Variants in AP1B1 observed in about 807,000 individuals in gnomAD.
AP1B1 encodes the protein AP-1 complex subunit beta-1.
Under a neutral mutation model 104.3 loss-of-function variants are expected in AP1B1, and 36 were observed. The ratio of observed to expected loss-of-function variants is 0.35; its 90% confidence interval spans 0.26 to 0.46. AP1B1 has a LOEUF of 0.46. Among genes scored for constraint, AP1B1 ranks in the 20% least tolerant of loss-of-function variants. AP1B1 has a pLI of 1.00. For missense variants in AP1B1, 901 were observed against 1,247.9 expected (o/e 0.72, Z 4.19); for synonymous variants, 504 against 517.5 (o/e 0.97, Z 0.35).
chr22:29,354,431 G>A (rs545123836), intron 7 of AP1B1, among the ~76,000 whole-genome samples: 8 of 152,196 alleles, frequency 5.3e-5, no homozygotes, highest in Admixed American at 2.6e-4. Flanking sequence ...ACTAGAAGCC[G>A]GTAGCATGCC....
Position 29,359,814 on chromosome 22 carries a change from G to A in AP1B1, c.279+10C>T, listed in dbSNP as rs141527242. 7.4e-6 allele frequency: 12 copies of A among 1,611,254 alleles called. No homozygotes were observed. The highest frequency in any genetic ancestry group is 6.7e-5 in the African/African-American group (5 of 75,032). The stretch of plus-strand genomic sequence containing the variant: ...CCCAATGTCCCCACGCCCACCAAGC[G>A]TCTGCTCACCTTCACAAAGGTGTTG... On this transcript the variant is annotated intron_variant, in intron 4 of 22. Transcript: ENST00000357586.
intron 1 of AP1B1, among the ~76,000 whole-genome samples, chr22:29,369,374 AAATCCTTTGTGGATCCTGAAGG>A (rs1164801172): frequency 7.9e-5 from 12 of 152,284 alleles, no homozygotes; most frequent in African/African-American, 2.9e-4. Context: ...GGGTCACCTT[AAATCCTTTGTGGATCCTGAAGG>A]AATAAAGGAA....
Position 29,382,426 on chromosome 22 carries a change from C to T in AP1B1, c.-28+5998G>A, listed in dbSNP as rs571551766. Among the ~76,000 whole-genome samples the T allele has an allele frequency of 6.5e-4, 99 of 152,286 alleles. 2 individuals carry two copies. The South Asian group carries it at 0.015, about 24-fold the overall frequency. The stretch of plus-strand genomic sequence containing the variant: ...ATTCATACATTTCCTGAGCATCTTT[C>T]GTGTACCAGAAACACTTCTACATGT... On this transcript the variant is annotated intron_variant, in intron 1 of 22. Transcript: ENST00000357586.
chr22:29,382,610 G>A (rs1302674465), intron 1 of AP1B1, among the ~76,000 whole-genome samples: 1 of 152,120 alleles, frequency 6.6e-6, no homozygotes, highest in Non-Finnish European at 1.5e-5. Flanking sequence ...AGGGAAGGAG[G>A]ATAGGGAGGG....
At chr22:29,384,873 A>G (rs905205381) in intron 1 of AP1B1, among the ~76,000 whole-genome samples, 70 of 152,330 alleles carry the variant, frequency 4.6e-4, no homozygotes, top group African/African-American at 1.3e-3. Context: ...GTCTGGAAAA[A>G]AAAAAAGAGC....
chr22:29,342,711 A>G (rs1398470378), intron 11 of AP1B1, among the ~76,000 whole-genome samples: 1 of 152,228 alleles, frequency 6.6e-6, no homozygotes, highest in Non-Finnish European at 1.5e-5. Context: ...AGAAGCTCAC[A>G]TGTGTGGCTG....
chr22:29,387,930 A>G (rs2062556790), intron 1 of AP1B1, among the ~76,000 whole-genome samples: 1 of 152,222 alleles, frequency 6.6e-6, no homozygotes, highest in African/African-American at 2.4e-5. Flanking sequence ...CGGTGTCTCC[A>G]TTCAGTTAAC....
intron 12 of AP1B1, among the ~76,000 whole-genome samples, 166 bp from the exon 13 acceptor site, chr22:29,341,926 T>TGGCCCCGGGCTCATTCCCC (rs1049969159): frequency 2.0e-5 from 3 of 152,174 alleles, no homozygotes; most frequent in Non-Finnish European, 4.4e-5. Flanking sequence ...GGCCATGCCC[T>TGGCCCCGGGCTCATTCCCC]GGCCCCGGGC....
intron 15 of AP1B1, 70 bp downstream of exon 15, chr22:29,339,684 T>G: frequency 6.4e-7 from 1 of 1,552,970 alleles, no homozygotes; most frequent in Non-Finnish European, 8.8e-7. Flanking sequence ...CCCCGCCCCT[T>G]GGGATGCTGG....
intron 1 of AP1B1, among the ~76,000 whole-genome samples, chr22:29,375,349 CAAAAAAAAAA>C (rs547697174): frequency 5.2e-5 from 3 of 57,376 alleles, no homozygotes; most frequent in South Asian, 8.9e-4. Context: ...GATTCCATCA[CAAAAAAAAAA>C]AAAAAAAAAA....
intron 5 of AP1B1, among the ~76,000 whole-genome samples, chr22:29,357,727 G>A (rs1301291442): frequency 2.4e-4 from 31 of 131,378 alleles, no homozygotes; most frequent in African/African-American, 4.0e-4. Context: ...TAGCTCTGTC[G>A]CCAGGCTGGA....
chr22:29,371,038 A>G (rs1360110168), intron 1 of AP1B1, among the ~76,000 whole-genome samples: 1 of 152,196 alleles, frequency 6.6e-6, no homozygotes, highest in East Asian at 1.9e-4. Flanking sequence ...GAAAAGTGAA[A>G]CGCTTTAGAA....
At chr22:29,342,178 A>G in intron 12 of AP1B1, 107 bp downstream of exon 12, 1 of 890,904 alleles carries the variant, frequency 1.1e-6, no homozygotes, top group Admixed American at 2.5e-5. Context: ...CCCACAAGAT[A>G]CCTGTCTTAG....
In AP1B1 at chr22:29,328,927, C is replaced by G; in HGVS notation, c.2776-32G>C. 1 of 1,594,110 alleles carries G rather than the reference C, an allele frequency of 6.3e-7. No homozygotes were observed. The highest frequency in any genetic ancestry group is 8.5e-7 in the Non-Finnish European group (1 of 1,172,992). On this transcript the variant is annotated intron_variant, in intron 22 of 22. Transcript: ENST00000357586. The surrounding 1 kb of genome is among the most constrained non-coding windows in gnomAD (Gnocchi z 4.1). The stretch of plus-strand genomic sequence containing the variant: ...GGGAGAGAGGGGTCGGGGGAAAGAG[C>G]GCTCATCCCTGGGGTTCCTCTCAGG...
intron 7 of AP1B1, among the ~76,000 whole-genome samples, chr22:29,352,526 G>T: frequency 6.6e-6 from 1 of 152,140 alleles, no homozygotes; most frequent in Non-Finnish European, 1.5e-5. Flanking sequence ...GGAGGTACAA[G>T]GAAGCCTCTC....
intron 1 of AP1B1, among the ~76,000 whole-genome samples, chr22:29,388,178 C>T (rs2062563013): frequency 6.6e-6 from 1 of 152,254 alleles, no homozygotes; most frequent in Admixed American, 6.5e-5. Context: ...AGTCCTGTCT[C>T]TCCGGGCGGA....
At chr22:29,342,744 C>G (rs1286565006) in intron 11 of AP1B1, among the ~76,000 whole-genome samples, 1 of 152,150 alleles carries the variant, frequency 6.6e-6, no homozygotes, top group Non-Finnish European at 1.5e-5. Context: ...TCAGGACCAT[C>G]TGTCAACAAG....
At chr22:29,381,314 T>TA (rs1445870149) in intron 1 of AP1B1, among the ~76,000 whole-genome samples, 1 of 152,210 alleles carries the variant, frequency 6.6e-6, no homozygotes, top group Non-Finnish European at 1.5e-5. Flanking sequence ...AAAATATACT[T>TA]ACGTTGTCTA....
In AP1B1 at chr22:29,379,474, TG is replaced by T. The variant is rs2062403232; in HGVS notation, c.-28+8949del. ...GATCTCGGTTTTCCCATCTATGTAA[TG>T]GGAACACTTTCTGAAGATCTGTCAA... On this transcript the variant is annotated intron_variant, in intron 1 of 22. Coordinates refer to ENST00000357586, the MANE Select transcript of AP1B1 (RefSeq NM_001127.4). 4.6e-5 allele frequency among the ~76,000 whole-genome samples: 7 copies of T among 152,300 alleles called. No individual in the cohort carries two copies. The South Asian group carries it at 1.5e-3, about 32-fold the overall frequency.
Sources: allele counts gnomAD v4.1 joint callset (sites outside exome capture counted in the v4.1 genomes callset), GRCh38; gene constraint gnomAD v4.1.1; non-coding constraint Gnocchi (gnomAD v3.1); transcripts MANE v1.5; gene names NCBI Gene and HGNC (gene_info 2026-07-23, HGNC 2026-07-21).